Variants in SYT6 observed in about 807,000 individuals in gnomAD.
SYT6 encodes the protein synaptotagmin-6.
Under a neutral mutation model 38.4 loss-of-function variants are expected in SYT6, and 24 were observed. The observed-to-expected ratio is 0.62, with a 90% CI of 0.45 to 0.88. The LOEUF (loss-of-function observed/expected upper bound fraction) is 0.88, where lower values mean the gene tolerates loss of function less well. Among genes scored for constraint, SYT6 ranks in the 40% least tolerant of loss-of-function variants. SYT6 has a pLI of 0.00. For synonymous variants in SYT6, 265 were observed against 241.9 expected (o/e 1.10, Z -0.89); for missense variants, 611 against 621.0 (o/e 0.98, Z 0.17).
At chr1:114,108,346 C>A (rs533958639) in intron 3 of SYT6, among the ~76,000 whole-genome samples, 2 of 152,324 alleles carry the variant, frequency 1.3e-5, no homozygotes, top group South Asian at 4.1e-4. Context: ...CTACTTGATG[C>A]AGTCACATAG....
At chr1:114,128,761 T>C (rs937504658) in intron 3 of SYT6, among the ~76,000 whole-genome samples, 7 of 152,190 alleles carry the variant, frequency 4.6e-5, no homozygotes, top group African/African-American at 7.2e-5. Context: ...CCTCCTGGCT[T>C]TCCTCTTTTC....
At chr1:114,149,634 T>A (rs1004216735) in intron 1 of SYT6, among the ~76,000 whole-genome samples, 3 of 152,080 alleles carry the variant, frequency 2.0e-5, no homozygotes, top group African/African-American at 7.2e-5. Context: ...TAACAATTAT[T>A]AATATTATTA....
chr1:114,109,241 T>A (rs1445219202), intron 3 of SYT6, among the ~76,000 whole-genome samples: 10 of 152,196 alleles, frequency 6.6e-5, no homozygotes, highest in Admixed American at 5.9e-4. Context: ...GGGGACTACA[T>A]GATGAATGCC....
rs1258094877 is a variant in SYT6 at position 114,090,838 on chromosome 1, A to C, written c.*1296T>G. On this transcript the variant is annotated 3_prime_UTR_variant, in exon 8 of 8. Coordinates refer to ENST00000610222, the MANE Select transcript of SYT6 (RefSeq NM_001253772.2). ...TATTACAACACAGAATAGTTCAAAC[A>C]ATTTTTTTTTTCCTAAACTGAGTTT... The C allele has an allele frequency of 6.6e-6, 1 of 152,596 alleles. No individual in the cohort carries two copies. 9.5% of individuals were successfully genotyped at this position (152,596 alleles called of 1,614,324 possible). A position where few individuals can be genotyped will look rare whatever the true frequency, so the allele number is the denominator to read the frequency against.
intron 3 of SYT6, among the ~76,000 whole-genome samples, chr1:114,105,152 C>G (rs4839362): frequency 3.3e-5 from 5 of 152,110 alleles, no homozygotes; most frequent in Admixed American, 2.6e-4. Flanking sequence ...ATAAAATGAC[C>G]AGCAGGAGGC....
intron 7 of SYT6, 107 bp from the exon 8 acceptor site, chr1:114,092,189 A>T: frequency 9.2e-7 from 1 of 1,087,872 alleles, no homozygotes; most frequent in Non-Finnish European, 1.3e-6. Flanking sequence ...CTAGCTTCTC[A>T]TAAGCTTTCT....
intron 3 of SYT6, among the ~76,000 whole-genome samples, chr1:114,108,011 G>A (rs561812272): frequency 8.4e-4 from 128 of 152,338 alleles, no homozygotes; most frequent in African/African-American, 1.5e-3. Context: ...AGAAACCAGC[G>A]TAGCCCTCTA....
chr1:114,104,411 T>C (rs528349494), intron 3 of SYT6, among the ~76,000 whole-genome samples: 1 of 152,302 alleles, frequency 6.6e-6, no homozygotes, highest in Admixed American at 6.5e-5. Context: ...AGAATTGTCA[T>C]GGCCAGGGAT....
At chr1:114,135,373 T>C (rs540156222) in intron 3 of SYT6, among the ~76,000 whole-genome samples, 10 of 152,294 alleles carry the variant, frequency 6.6e-5, no homozygotes, top group South Asian at 4.1e-4. Context: ...CTGCATGGAC[T>C]TTTCCTGTCT....
chr1:114,110,552 A>G (rs1048175966), intron 3 of SYT6, among the ~76,000 whole-genome samples: 8 of 152,296 alleles, frequency 5.3e-5, no homozygotes, highest in Admixed American at 6.5e-5. Context: ...AAAGGGTAAG[A>G]GGGAGGTTAA....
chr1:114,133,580 C>T (rs1466180033), intron 3 of SYT6, among the ~76,000 whole-genome samples: 1 of 152,264 alleles, frequency 6.6e-6, no homozygotes, highest in East Asian at 1.9e-4. Context: ...CTATCAGGGG[C>T]CCTTGGGCAA....
Position 114,122,597 on chromosome 1 carries a change from C to T in SYT6, c.1071+14898G>A, listed in dbSNP as rs566721527. 3.3e-5 allele frequency among the ~76,000 whole-genome samples: 5 copies of T among 152,276 alleles called. No homozygotes were observed. The South Asian group carries it at 8.3e-4, about 25-fold the overall frequency. ...GGTGGCAGAGGGCTCTGCTGAGATT[C>T]TACTTCCCTATCTCTTGCAGGAGGC... On this transcript the variant is annotated intron_variant, in intron 3 of 7. Transcript: ENST00000610222.
Position 114,118,840 on chromosome 1 carries a change from C to T in SYT6, c.1072-15119G>A, listed in dbSNP as rs146577927. ...CTGAGGCAACGCTTCCTCAAGGGGG[C>T]AGGGTCCCAAACGGGAGTGGAAATA... is the stretch of plus-strand genomic sequence containing the variant. On this transcript the variant is annotated intron_variant, in intron 3 of 7. Coordinates refer to ENST00000610222, the MANE Select transcript of SYT6 (RefSeq NM_001253772.2). 3.0e-3 allele frequency among the ~76,000 whole-genome samples: 454 copies of T among 152,332 alleles called. 2 individuals are homozygous for T. Among genetic ancestry groups the T allele is most frequent in the African/African-American group, 0.01 (424 of 41,560 alleles).
At chr1:114,119,256 C>T (rs1677223706) in intron 3 of SYT6, among the ~76,000 whole-genome samples, 1 of 152,166 alleles carries the variant, frequency 6.6e-6, no homozygotes, top group South Asian at 2.1e-4. Context: ...TTCCAGCTCC[C>T]AGGCTAAGCT....
intron 2 of SYT6, among the ~76,000 whole-genome samples, 168 bp from the exon 3 acceptor site, chr1:114,138,221 G>C (rs752236294): frequency 1.5e-4 from 23 of 152,242 alleles, no homozygotes; most frequent in Non-Finnish European, 2.8e-4. Context: ...TGTGTGCAAG[G>C]TTGTGGTGAG....
intron 1 of SYT6, among the ~76,000 whole-genome samples, chr1:114,147,051 A>G (rs895786451): frequency 6.6e-6 from 1 of 152,244 alleles, no homozygotes; most frequent in Non-Finnish European, 1.5e-5. Context: ...AACACCTGAA[A>G]ACCATTGAAC....
At chr1:114,107,524 C>T (rs1171739104) in intron 3 of SYT6, among the ~76,000 whole-genome samples, 4 of 152,230 alleles carry the variant, frequency 2.6e-5, no homozygotes, top group African/African-American at 7.2e-5. Flanking sequence ...CTCCAGGCTT[C>T]GCACGGGGGA....
chr1:114,096,226 G>A (rs1270777753), intron 6 of SYT6, among the ~76,000 whole-genome samples: 2 of 150,312 alleles, frequency 1.3e-5, no homozygotes, highest in Non-Finnish European at 3.0e-5. Flanking sequence ...CTCCTGTATT[G>A]TGGGCTCCTC....
chr1:114,105,717 C>G (rs1160764714), intron 3 of SYT6, among the ~76,000 whole-genome samples: 1 of 152,172 alleles, frequency 6.6e-6, no homozygotes, highest in Non-Finnish European at 1.5e-5. Flanking sequence ...GGACGAATAA[C>G]TTGCTCAGGT....
Sources: allele counts gnomAD v4.1 joint callset (sites outside exome capture counted in the v4.1 genomes callset), GRCh38; gene constraint gnomAD v4.1.1; transcripts MANE v1.5; gene names NCBI Gene and HGNC (gene_info 2026-07-23, HGNC 2026-07-21).